Variants in LHFPL2 observed in about 807,000 individuals in gnomAD.
LHFPL2 encodes the protein LHFPL tetraspan subfamily member 2 protein.
Under a neutral mutation model 17.5 loss-of-function variants are expected in LHFPL2, and 7 were observed. The ratio of observed to expected loss-of-function variants is 0.40; its 90% CI spans 0.23 to 0.75. The LOEUF (loss-of-function observed/expected upper bound fraction) is 0.75. Among genes scored for constraint, LHFPL2 ranks in the 30% least tolerant of loss-of-function variants. The pLI is 0.37. For missense variants in LHFPL2, 241 were observed against 294.8 expected (o/e 0.82, Z 1.34); for synonymous variants, 134 against 116.2 (o/e 1.15, Z -0.99).
intron 3 of LHFPL2, among the ~76,000 whole-genome samples, chr5:78,535,100 A>G (rs896969708): frequency 5.9e-5 from 9 of 152,198 alleles, no homozygotes; most frequent in African/African-American, 2.2e-4. Flanking sequence ...TGGTTCCATT[A>G]CATTTTCTTC....
intron 3 of LHFPL2, among the ~76,000 whole-genome samples, chr5:78,561,706 A>T (rs926936579): frequency 2.6e-5 from 4 of 152,194 alleles, no homozygotes; most frequent in Admixed American, 1.3e-4. Context: ...ACTGAGATTC[A>T]TTAGGTGCTA....
In LHFPL2 at chr5:78,510,036, T is replaced by G; in HGVS notation, c.178A>C (p.Thr60Pro). Residue 60 changes from threonine (T) to proline (P), a missense_variant, in exon 4 of 5, where the codon ACC becomes CCC. Physicochemically the swap from Thr to Pro is conservative, Grantham distance 38. Coordinates refer to ENST00000380345, the MANE Select transcript of LHFPL2 (RefSeq NM_005779.3). ...ATGCAGCGGGCGTAGATGCCCAGGG[T>G]GGGGTGGTAGGGCTCCGGGGAGCCC... ...GGGSPEPYHPTLGIYARCIRN... is the reference protein window; with the variant it reads ...GGGSPEPYHPPLGIYARCIRN... The G allele has an allele frequency of 4.3e-6, 7 of 1,610,084 alleles. No individual in the cohort carries two copies. The highest frequency in any genetic ancestry group is 5.9e-6 in the Non-Finnish European group (7 of 1,178,642).
chr5:78,526,949 G>A (rs1388267544), intron 3 of LHFPL2, among the ~76,000 whole-genome samples: 3 of 152,206 alleles, frequency 2.0e-5, no homozygotes, highest in Non-Finnish European at 4.4e-5. Flanking sequence ...TGATGCCAAT[G>A]TGGAAGGACC....
At chr5:78,541,314 T>C (rs1756106387) in intron 3 of LHFPL2, among the ~76,000 whole-genome samples, 1 of 152,166 alleles carries the variant, frequency 6.6e-6, no homozygotes, top group Non-Finnish European at 1.5e-5. Context: ...AAGTAGTCAC[T>C]GACAGCAAAA....
chr5:78,595,943 A>G lies in LHFPL2; in HGVS notation c.-244-31072T>C, dbSNP rs74734669. On this transcript the variant is annotated intron_variant, in intron 2 of 4. Transcript: ENST00000380345. The stretch of plus-strand genomic sequence containing the variant: ...TTCTGGTAAAGGGGAGTCCAAGAGA[A>G]AGGAGGTTTAAATGAACAATAATGG... Among the ~76,000 whole-genome samples the G allele has an allele frequency of 9.5e-3, 1,449 of 152,340 alleles. 28 individuals carry two copies. The highest frequency in any genetic ancestry group is 0.033 in the African/African-American group (1,362 of 41,568).
chr5:78,546,599 C>A (rs138518915), intron 3 of LHFPL2, among the ~76,000 whole-genome samples: 1 of 152,218 alleles, frequency 6.6e-6, no homozygotes, highest in East Asian at 1.9e-4. Flanking sequence ...TCAGTAACCT[C>A]GACTCCAGGA....
intron 2 of LHFPL2, among the ~76,000 whole-genome samples, chr5:78,572,541 T>C (rs1053415401): frequency 3.0e-5 from 4 of 132,974 alleles, no homozygotes; most frequent in South Asian, 4.8e-4. Context: ...TACACACACA[T>C]ATATATATAC....
chr5:78,546,535 A>C (rs1266136402), intron 3 of LHFPL2, among the ~76,000 whole-genome samples: 1 of 152,240 alleles, frequency 6.6e-6, no homozygotes, highest in Non-Finnish European at 1.5e-5. Context: ...TCCTAGAAAC[A>C]GTGATCAACA....
intron 3 of LHFPL2, among the ~76,000 whole-genome samples, chr5:78,520,951 C>A (rs1297941767): frequency 6.6e-6 from 1 of 152,176 alleles, no homozygotes; most frequent in Non-Finnish European, 1.5e-5. Flanking sequence ...AACTAAAATG[C>A]TTGGAATCAC....
chr5:78,637,841 C>T (rs985049869), intron 1 of LHFPL2, among the ~76,000 whole-genome samples: 26 of 152,176 alleles, frequency 1.7e-4, no homozygotes, highest in African/African-American at 6.3e-4. Flanking sequence ...AATTCTTGGG[C>T]ACAGTCAAGC....
chr5:78,521,641 G>C (rs1755461820), intron 3 of LHFPL2, among the ~76,000 whole-genome samples: 1 of 152,226 alleles, frequency 6.6e-6, no homozygotes, highest in Non-Finnish European at 1.5e-5. Context: ...GGGGTGAGAG[G>C]TTCTGATAAG....
chr5:78,591,701 G>T (rs1035080594), intron 2 of LHFPL2, among the ~76,000 whole-genome samples: 1 of 152,140 alleles, frequency 6.6e-6, no homozygotes, highest in African/African-American at 2.4e-5. Context: ...CATTCTTGTG[G>T]AACACTTAGC....
intron 1 of LHFPL2, among the ~76,000 whole-genome samples, chr5:78,642,917 C>T (rs901198577): frequency 9.2e-5 from 14 of 152,154 alleles, no homozygotes; most frequent in African/African-American, 2.9e-4. Flanking sequence ...TCTCCACCAC[C>T]CAGTCCTGCC....
chr5:78,573,763 A>G (rs1479010986), intron 2 of LHFPL2, among the ~76,000 whole-genome samples: 2 of 152,248 alleles, frequency 1.3e-5, no homozygotes, highest in Admixed American at 6.5e-5. Context: ...ATTCTGGGGG[A>G]AAAATAAATC....
At chr5:78,645,120 C>CT (rs1221463971) in intron 1 of LHFPL2, among the ~76,000 whole-genome samples, 2 of 152,218 alleles carry the variant, frequency 1.3e-5, no homozygotes, top group African/African-American at 4.8e-5. Flanking sequence ...AGCCAGATCA[C>CT]TTCCCTCTGA....
Position 78,510,274 on chromosome 5 carries a change from C to A in LHFPL2, c.-61G>T. 6.8e-7 allele frequency: 1 copy of A among 1,474,666 alleles called. No individual in the cohort carries two copies. The highest frequency in any genetic ancestry group is 9.1e-7 in the Non-Finnish European group (1 of 1,103,346). The allele number at this position is 1,474,666 out of a possible 1,614,324, so 91.3% of individuals were successfully genotyped here. ...ACGGAGTTAATCAAAACAAGAAAGT[C>A]GGTGGGGAAGGAGGCTCGGGCGGCC... On this transcript the variant is annotated 5_prime_UTR_variant, in exon 4 of 5. Coordinates refer to ENST00000380345, the MANE Select transcript of LHFPL2 (RefSeq NM_005779.3).
chr5:78,628,162 G>A (rs1230457816), intron 2 of LHFPL2, among the ~76,000 whole-genome samples: 1 of 152,168 alleles, frequency 6.6e-6, no homozygotes, highest in Non-Finnish European at 1.5e-5. Context: ...GTGTGGCTCT[G>A]CTGATCCCAA....
intron 3 of LHFPL2, among the ~76,000 whole-genome samples, chr5:78,547,608 C>T (rs928244504): frequency 6.6e-6 from 1 of 152,172 alleles, no homozygotes; most frequent in Admixed American, 6.5e-5. Context: ...ATACACAGTC[C>T]TTCCAATGTC....
intron 2 of LHFPL2, among the ~76,000 whole-genome samples, chr5:78,628,417 A>C (rs1387834801): frequency 6.6e-6 from 1 of 152,194 alleles, no homozygotes; most frequent in African/African-American, 2.4e-5. Flanking sequence ...TCCAGAGAGA[A>C]TGTCTCCTTC....
Sources: allele counts gnomAD v4.1 joint callset (sites outside exome capture counted in the v4.1 genomes callset), GRCh38; gene constraint gnomAD v4.1.1; transcripts MANE v1.5; gene names NCBI Gene and HGNC (gene_info 2026-07-23, HGNC 2026-07-21).